Variants in TBC1D19 observed in about 807,000 individuals in gnomAD.
TBC1D19 encodes the protein TBC1 domain family, member 19.
A neutral mutation model predicts 89.0 loss-of-function variants in TBC1D19; 60 were observed. The observed-to-expected ratio is 0.67, with a 90% CI of 0.55 to 0.84. TBC1D19 has a LOEUF of 0.84. TBC1D19 is among the 40% of genes least tolerant of loss of function. The pLI is 0.00. For missense variants in TBC1D19, 500 were observed against 610.8 expected, an observed-to-expected ratio of 0.82 and a Z score of 1.91; for synonymous variants, 189 against 199.7, an observed-to-expected ratio of 0.95 and a Z score of 0.45.
intron 7 of TBC1D19, among the ~76,000 whole-genome samples, chr4:26,654,337 T>C (rs1369732747): frequency 2.0e-5 from 3 of 152,166 alleles, no homozygotes; most frequent in Non-Finnish European, 2.9e-5. Flanking sequence ...TTGGTGAATC[T>C]GACAATTATG....
chr4:26,710,800 T>C (rs774531826), intron 13 of TBC1D19, among the ~76,000 whole-genome samples: 1 of 152,244 alleles, frequency 6.6e-6, no homozygotes, highest in African/African-American at 2.4e-5. Context: ...CATTTTTTCA[T>C]GTGTGTTTTG....
chr4:26,725,154 C>T (rs1717228047), intron 15 of TBC1D19, among the ~76,000 whole-genome samples: 2 of 152,180 alleles, frequency 1.3e-5, no homozygotes, highest in African/African-American at 4.8e-5. Flanking sequence ...TTCATGGCTG[C>T]TGCCAAGTTG....
In TBC1D19 at chr4:26,666,333, A is replaced by G. The variant is rs1384095616; in HGVS notation, c.592A>G (p.Lys198Glu). Residue 198 changes from lysine to glutamate, a missense_variant and splice_region_variant, in exon 9 of 21, where the codon AAA (lysine) becomes GAA (glutamate). This residue lies in a region of TBC1D19 where 280 missense variants were observed against 291.7 expected (regional missense o/e 0.96). Coordinates refer to ENST00000264866, the MANE Select transcript of TBC1D19 (RefSeq NM_018317.4). ...TAATTCTACGTATGTTATTTTTCAG[A>G]AAGAATGCTTTGTGGAACTTGGCTT... ...PLKVKDIPEL[K>E]ECFVELGLNI... 5.6e-6 allele frequency: 9 copies of G among 1,610,326 alleles called. No individual in the cohort carries two copies. Among genetic ancestry groups the G allele is most frequent in the Non-Finnish European group, 6.8e-6 (8 of 1,177,684 alleles).
At chr4:26,812,884 A>G in the TBC1D19 span, among the ~76,000 whole-genome samples, 3 of 152,032 alleles carry the variant, frequency 2.0e-5, no homozygotes, top group African/African-American at 7.2e-5. The surrounding 1 kb of genome is among the most constrained non-coding windows in gnomAD (Gnocchi z 4.2). Flanking sequence ...TACAGGGACA[A>G]CCAGCATTCA....
At chr4:26,732,793 G>A (rs1577996770) in intron 15 of TBC1D19, among the ~76,000 whole-genome samples, 1 of 152,164 alleles carries the variant, frequency 6.6e-6, no homozygotes, top group Admixed American at 6.5e-5. Context: ...AAGGAAACAC[G>A]ATTTAGAGCA....
At chr4:26,844,477 C>A in the TBC1D19 span, among the ~76,000 whole-genome samples, 1 of 152,212 alleles carries the variant, frequency 6.6e-6, no homozygotes, top group Non-Finnish European at 1.5e-5. Context: ...ATATTTAAAG[C>A]ATTGTAATGA....
intron 7 of TBC1D19, among the ~76,000 whole-genome samples, chr4:26,645,906 G>A (rs1170298866): frequency 1.3e-5 from 2 of 151,766 alleles, no homozygotes; most frequent in African/African-American, 2.4e-5. Flanking sequence ...GGCGGATCAC[G>A]AGGTCAGGAG....
At chr4:26,722,497 A>C (rs985169655) in intron 15 of TBC1D19, among the ~76,000 whole-genome samples, 1 of 152,210 alleles carries the variant, frequency 6.6e-6, no homozygotes, top group African/African-American at 2.4e-5. Flanking sequence ...CAACAGTGAG[A>C]AGTAAAAAGG....
chr4:26,825,949 C>A, the TBC1D19 span, among the ~76,000 whole-genome samples: 1 of 152,194 alleles, frequency 6.6e-6, no homozygotes, highest in African/African-American at 2.4e-5. Flanking sequence ...CGCCTGTAAT[C>A]CCAGCAGTTT....
At chr4:26,716,439 AC>A (rs1452582129) in intron 13 of TBC1D19, among the ~76,000 whole-genome samples, 1 of 152,128 alleles carries the variant, frequency 6.6e-6, no homozygotes, top group Non-Finnish European at 1.5e-5. Context: ...AAAGCAATTG[AC>A]CAGACAGGTG....
At chr4:26,814,314 TTGATA>T in the TBC1D19 span, among the ~76,000 whole-genome samples, 1 of 152,152 alleles carries the variant, frequency 6.6e-6, no homozygotes, top group Non-Finnish European at 1.5e-5. Context: ...AATAAACAAA[TTGATA>T]TATGTGAAAA....
At chr4:26,638,025 A>C (rs1287226855) in intron 5 of TBC1D19, among the ~76,000 whole-genome samples, 1 of 152,206 alleles carries the variant, frequency 6.6e-6, no homozygotes, top group Non-Finnish European at 1.5e-5. Context: ...TAGGAAACGA[A>C]AAGGATAATT....
At chr4:26,708,602 T>A (rs1212610835) in intron 13 of TBC1D19, among the ~76,000 whole-genome samples, 2 of 152,032 alleles carry the variant, frequency 1.3e-5, no homozygotes, top group Non-Finnish European at 2.9e-5. Flanking sequence ...ACTCCTACCT[T>A]GCATATCGGT....
intron 10 of TBC1D19, among the ~76,000 whole-genome samples, chr4:26,673,446 T>TATATACACACACACACACAC (rs373807642): frequency 1.3e-3 from 121 of 90,864 alleles, no homozygotes; most frequent in African/African-American, 3.4e-3. Flanking sequence ...TATATATATA[T>TATATACACACACACACACAC]ACACACACAC....
intron 1 of TBC1D19, among the ~76,000 whole-genome samples, chr4:26,589,701 G>A (rs1030035757): frequency 6.6e-6 from 1 of 152,140 alleles, no homozygotes; most frequent in African/African-American, 2.4e-5. Context: ...AGGATCCTGG[G>A]CCCAAGAGAG....
At chr4:26,610,389 T>C (rs868823945) in intron 1 of TBC1D19, among the ~76,000 whole-genome samples, 2 of 151,850 alleles carry the variant, frequency 1.3e-5, no homozygotes, top group Non-Finnish European at 2.9e-5. Context: ...AACATGATAT[T>C]TATGGTAATC....
At chr4:26,770,005 GT>G in the TBC1D19 span, among the ~76,000 whole-genome samples, 1 of 150,220 alleles carries the variant, frequency 6.7e-6, no homozygotes, top group African/African-American at 2.4e-5. Flanking sequence ...CATAAAATAT[GT>G]TTTCAAAAGA....
At chr4:26,617,025 C>T (rs1741740203) in intron 3 of TBC1D19, among the ~76,000 whole-genome samples, 1 of 152,076 alleles carries the variant, frequency 6.6e-6, no homozygotes, top group Admixed American at 6.5e-5. Context: ...GAGGCTTAAA[C>T]CATGTTTTAG....
At chr4:26,847,746 C>T in the TBC1D19 span, among the ~76,000 whole-genome samples, 1 of 152,166 alleles carries the variant, frequency 6.6e-6, no homozygotes, top group Non-Finnish European at 1.5e-5. Flanking sequence ...AAGAGAAAAT[C>T]GCAATAACCC....
Sources: allele counts gnomAD v4.1 joint callset (sites outside exome capture counted in the v4.1 genomes callset), GRCh38; gene constraint gnomAD v4.1.1; regional missense constraint gnomAD v4.1.1; non-coding constraint Gnocchi (gnomAD v3.1); transcripts MANE v1.5; gene names NCBI Gene and HGNC (gene_info 2026-07-23, HGNC 2026-07-21).